The following PCM1 variants were observed in gnomAD, a reference collection of about 807,000 sequenced individuals.
PCM1 encodes the protein pericentriolar material 1 protein.
PCM1 carries 157 observed loss-of-function variants against 241.9 expected under a neutral mutation model. The ratio of observed to expected loss-of-function variants is 0.65; its 90% CI spans 0.57 to 0.74. The LOEUF (loss-of-function observed/expected upper bound fraction) is 0.74, where lower values mean the gene tolerates loss of function less well. Ranked by LOEUF, PCM1 falls within the 30% of genes least tolerant of loss-of-function variation. The pLI is 0.00. For missense variants in PCM1, 3,478 were observed against 2,360.1 expected, an observed-to-expected ratio of 1.47 and a Z score of -9.81; for synonymous variants, 1,085 against 784.9, an observed-to-expected ratio of 1.38 and a Z score of -6.39.
At chr8:17,970,869 AC>A (rs2076603627) in intron 22 of PCM1, among the ~76,000 whole-genome samples, 1 of 152,174 alleles carries the variant, frequency 6.6e-6, no homozygotes, top group African/African-American at 2.4e-5. Flanking sequence ...CAAAATCTCA[AC>A]TATTGTAATT....
intron 26 of PCM1, among the ~76,000 whole-genome samples, chr8:17,987,822 G>T (rs946574038): frequency 6.6e-6 from 1 of 151,880 alleles, no homozygotes; most frequent in Non-Finnish European, 1.5e-5. Flanking sequence ...TTAGCTACAT[G>T]TGGCTAGCAA....
rs776986250 is a variant in PCM1, at chr8:17,966,245, T to G, written c.3075+27T>G. 19 of 1,608,812 alleles carry G rather than the reference T, an allele frequency of 1.2e-5. No homozygotes were observed. The African/African-American group carries it at 2.4e-4, about 20-fold the overall frequency. On this transcript the variant is annotated intron_variant, in intron 19 of 38. Coordinates refer to ENST00000325083, the MANE Select transcript of PCM1 (RefSeq NM_006197.4). ...TAAAATTTGCTATGAAAGTATATTT[T>G]TCGTCTATTTTTATAACTTCTGAAG...
intron 22 of PCM1, 81 bp downstream of exon 22, chr8:17,969,829 A>G (rs1053083113): frequency 3.8e-6 from 4 of 1,039,772 alleles, no homozygotes; most frequent in Admixed American, 2.3e-5. Context: ...TGAAAACACA[A>G]CTAGGGAGGA....
Position 17,942,004 on chromosome 8 carries a change from T to G in PCM1, c.783+2143T>G, listed in dbSNP as rs575154771. Among the ~76,000 whole-genome samples, 3 of 143,858 alleles carry G rather than the reference T, an allele frequency of 2.1e-5. No individual in the cohort carries two copies. In the South Asian group the frequency reaches 7.0e-4, roughly 34 times the overall value. 94.4% of individuals were successfully genotyped at this position (143,858 alleles called of 152,430 possible). On this transcript the variant is annotated intron_variant, in intron 6 of 38. Coordinates refer to ENST00000325083, the MANE Select transcript of PCM1 (RefSeq NM_006197.4). Reference sequence around the variant, plus strand: ...AGTAAAATTCTGTCCCTTACTGTTTTTTTTCTACTTTGTTATATACCTCTC... The same window carrying G: ...AGTAAAATTCTGTCCCTTACTGTTTGTTTTCTACTTTGTTATATACCTCTC...
At position 17,980,661 on chromosome 8, in the gene PCM1, T is replaced by C; in HGVS notation, c.4014T>C (p.Thr1338=). ...GTAGGAACAGACATTCAGCCCAGACTGAAGAGCCTGTTCAAGCAAAAGTAT... is the reference window on the plus strand; with the variant it reads ...GTAGGAACAGACATTCAGCCCAGACCGAAGAGCCTGTTCAAGCAAAAGTAT... ...CKSRNRHSAQ[T]EEPVQAKVFS... The change falls in exon 24 of 39, where the codon ACT becomes ACC. Residue 1338 remains threonine, a synonymous_variant. Transcript: ENST00000325083. 3 of 1,613,340 alleles carry C rather than the reference T, an allele frequency of 1.9e-6. No individual in the cohort carries two copies. Among genetic ancestry groups the C allele is most frequent in the Non-Finnish European group, 1.7e-6 (2 of 1,179,524 alleles).
chr8:17,957,713 A>C lies in PCM1; in HGVS notation c.1978A>C (p.Asn660His). ...AGATGCTGAATTTGAACAGAAGATC[A>C]ACCGACTTATGGCTGCAAAACAGAA... is the stretch of plus-strand genomic sequence containing the variant. ...PEDAEFEQKI[N>H]RLMAAKQKLR... Residue 660 changes from asparagine to histidine, a missense_variant, in exon 13 of 39, where the codon AAC becomes CAC. By Grantham distance (68) the Asn-to-His change is moderately conservative (BLOSUM62 1). Transcript: ENST00000325083. 1.4e-5 allele frequency: 23 copies of C among 1,613,616 alleles called. No individual in the cohort carries two copies. Among genetic ancestry groups the C allele is most frequent in the Non-Finnish European group, 1.9e-5 (23 of 1,179,748 alleles).
At chr8:17,934,386 C>T (rs907393719) in intron 2 of PCM1, among the ~76,000 whole-genome samples, 3 of 151,860 alleles carry the variant, frequency 2.0e-5, no homozygotes, top group Non-Finnish European at 4.4e-5. Context: ...CTCAGCCTCC[C>T]GAGTAGCTGG....
intron 35 of PCM1, 107 bp downstream of exon 35, chr8:18,014,143 GA>G: frequency 1.5e-6 from 1 of 684,966 alleles, no homozygotes; most frequent in East Asian, 2.8e-5. Context: ...TTCTTAGTTT[GA>G]AAGTACTTTG....
chr8:17,952,453 T>G (rs2066429635), intron 8 of PCM1, among the ~76,000 whole-genome samples: 1 of 152,180 alleles, frequency 6.6e-6, no homozygotes, highest in South Asian at 2.1e-4. Context: ...TGGTCATGTG[T>G]CTCTAAAACT....
At chr8:17,969,916 C>T (rs1389056938) in intron 22 of PCM1, among the ~76,000 whole-genome samples, 168 bp downstream of exon 22, 1 of 152,072 alleles carries the variant, frequency 6.6e-6, no homozygotes, top group Admixed American at 6.5e-5. Flanking sequence ...CCAGATACTT[C>T]CTGGTAACCC....
chr8:18,027,874 TTC>T lies in PCM1; in HGVS notation c.*213_*214del. 1 of 385,954 alleles carries T rather than the reference TTC, an allele frequency of 2.6e-6. No individual in the cohort carries two copies. Among genetic ancestry groups the T allele is most frequent in the Non-Finnish European group, 4.6e-6 (1 of 216,786 alleles). 23.9% of individuals were successfully genotyped at this position (385,954 alleles called of 1,614,324 possible). A position where few individuals can be genotyped will look rare whatever the true frequency, so the allele number is the denominator to read the frequency against. Reference sequence around the variant, plus strand: ...CTTGACACACTGTGTTTTTTTTTTTTTCCCCCTTCTTTTTTGGGTCTTCATTT... The same window carrying T: ...CTTGACACACTGTGTTTTTTTTTTTTCCCCTTCTTTTTTGGGTCTTCATTT... On this transcript the variant is annotated 3_prime_UTR_variant, in exon 39 of 39. Coordinates refer to ENST00000325083, the MANE Select transcript of PCM1 (RefSeq NM_006197.4).
At chr8:18,013,750 G>A in intron 34 of PCM1, 1 of 399,588 alleles carries the variant, frequency 2.5e-6, no homozygotes, top group Non-Finnish European at 4.5e-6. Context: ...GTATTATACT[G>A]TGTGTGTGTG....
At position 17,924,258 on chromosome 8, in the gene PCM1, A is replaced by G. The variant is rs142353573; in HGVS notation, c.-90-455A>G. Among the ~76,000 whole-genome samples, 468 of 152,284 alleles carry G rather than the reference A, an allele frequency of 3.1e-3. 3 individuals are homozygous for G. The highest frequency in any genetic ancestry group is 0.011 in the African/African-American group (449 of 41,552). On this transcript the variant is annotated intron_variant, in intron 1 of 38. Transcript: ENST00000325083. ...CACCAATATAATACAGAGTTTTTGA[A>G]TTGAAGGTAAACCTGGTATTTATGT...
intron 8 of PCM1, among the ~76,000 whole-genome samples, chr8:17,952,054 C>T (rs2066227956): frequency 6.6e-6 from 1 of 151,982 alleles, no homozygotes; most frequent in Admixed American, 6.6e-5. Flanking sequence ...GAAACCCTGT[C>T]TCAACTAAAA....
chr8:17,965,066 C>T (rs548232810), intron 18 of PCM1, among the ~76,000 whole-genome samples: 1 of 152,032 alleles, frequency 6.6e-6, no homozygotes, highest in South Asian at 2.1e-4. Context: ...TTTGCTAGAA[C>T]AACTCACGAA....
intron 2 of PCM1, among the ~76,000 whole-genome samples, chr8:17,928,196 A>G (rs1256266271): frequency 6.6e-6 from 1 of 152,132 alleles, no homozygotes; most frequent in Non-Finnish European, 1.5e-5. Flanking sequence ...CCTTGGGTGG[A>G]TTCAGTGGAG....
At chr8:18,020,982 G>T (rs1465725184) in intron 36 of PCM1, among the ~76,000 whole-genome samples, 5 of 152,150 alleles carry the variant, frequency 3.3e-5, no homozygotes. Context: ...CTGAACCTGA[G>T]TATCAAGGAA....
Position 17,953,067 on chromosome 8 carries a change from C to G in PCM1, c.1169C>G (p.Pro390Arg). 6.2e-7 allele frequency: 1 copy of G among 1,606,102 alleles called. No individual in the cohort carries two copies. The highest frequency in any genetic ancestry group is 8.5e-7 in the Non-Finnish European group (1 of 1,175,850). Residue 390 changes from proline to arginine, a missense_variant, in exon 9 of 39, where the codon CCT becomes CGT. Coordinates refer to ENST00000325083, the MANE Select transcript of PCM1 (RefSeq NM_006197.4). The part of the protein sequence containing the change: ...SRKPSASERL[P>R]DEKVELFSKM... ...AAACCATCAGCTTCAGAACGTTTACCTGATGAGAAAGTCGAACTTTTTAGC... is the reference window on the plus strand; with the variant it reads ...AAACCATCAGCTTCAGAACGTTTACGTGATGAGAAAGTCGAACTTTTTAGC...
intron 20 of PCM1, among the ~76,000 whole-genome samples, 162 bp from the exon 21 acceptor site, chr8:17,966,807 CAGAGGGAAAGT>C (rs2075045724): frequency 1.3e-5 from 2 of 152,154 alleles, no homozygotes; most frequent in Admixed American, 6.5e-5. Flanking sequence ...TTTCTTGTTC[CAGAGGGAAAGT>C]TATTGAATTA....
Sources: allele counts gnomAD v4.1 joint callset (sites outside exome capture counted in the v4.1 genomes callset), GRCh38; gene constraint gnomAD v4.1.1; transcripts MANE v1.5; gene names NCBI Gene and HGNC (gene_info 2026-07-23, HGNC 2026-07-21).